CIBAR2: variants seen among roughly 807,000 people sequenced by gnomAD.
The protein encoded by CIBAR2 is CBY1 interacting BAR domain containing 2, also known as CBY1-interacting BAR domain-containing protein 2.
Under a neutral mutation model 36.2 loss-of-function variants are expected in CIBAR2, and 38 were observed. The ratio of observed to expected loss-of-function variants is 1.05; its 90% confidence interval spans 0.81 to 1.38. The LOEUF is 1.38. CIBAR2 is among the 40% of genes most tolerant of loss of function. The probability of loss-of-function intolerance (pLI) is 0.00; values close to 1 mark genes in which losing one functional copy is unlikely to be tolerated. For synonymous variants in CIBAR2, 182 were observed against 149.5 expected (o/e 1.22, Z -1.58); for missense variants, 481 against 383.4 (o/e 1.25, Z -2.13).
At chr16:85,108,923 C>A (rs974215230) in intron 2 of CIBAR2, among the ~76,000 whole-genome samples, 6 of 152,122 alleles carry the variant, frequency 3.9e-5, no homozygotes, top group Middle Eastern at 3.4e-3. Flanking sequence ...GCCAATTTTA[C>A]AATCGGGAAT....
At chr16:85,102,968 C>T (rs1287745612) in intron 6 of CIBAR2, among the ~76,000 whole-genome samples, 1 of 149,102 alleles carries the variant, frequency 6.7e-6, no homozygotes, top group Non-Finnish European at 1.5e-5. Context: ...GTGGTGTGAT[C>T]TCGGCTCACT....
chr16:85,101,171 G>A (rs1025743266), intron 7 of CIBAR2, among the ~76,000 whole-genome samples: 1 of 152,236 alleles, frequency 6.6e-6, no homozygotes, highest in South Asian at 2.1e-4. Context: ...GGGATGGCAG[G>A]CTTTGTGGGG....
intron 2 of CIBAR2, among the ~76,000 whole-genome samples, chr16:85,109,441 C>A (rs1280846536): frequency 3.3e-5 from 5 of 152,268 alleles, no homozygotes; most frequent in Middle Eastern, 3.4e-3. Flanking sequence ...CCGTTTCTGT[C>A]TGTGCGATCT....
At chr16:85,111,480 G>A (rs1464544429) in intron 1 of CIBAR2, among the ~76,000 whole-genome samples, 4 of 152,080 alleles carry the variant, frequency 2.6e-5, no homozygotes, top group Admixed American at 2.0e-4. Flanking sequence ...TCAGACACTG[G>A]GGCTCCTAGG....
Position 85,098,886 on chromosome 16 carries a change from C to G in CIBAR2, c.*299G>C, listed in dbSNP as rs1307287854. Reference sequence around the variant, plus strand: ...TCTAAGGCACAGAGAGGCTAGGAGACTTTCCCAAGGTCACACCGCCGGGAG... The same window carrying G: ...TCTAAGGCACAGAGAGGCTAGGAGAGTTTCCCAAGGTCACACCGCCGGGAG... On this transcript the variant is annotated 3_prime_UTR_variant, in exon 9 of 9. Transcript: ENST00000539556. The G allele has an allele frequency of 1.1e-5, 3 of 261,898 alleles. No homozygotes were observed. Among genetic ancestry groups the G allele is most frequent in the African/African-American group, 6.9e-5 (3 of 43,504 alleles). The allele number at this position is 261,898 out of a possible 1,614,324, so 16.2% of individuals were successfully genotyped here.
intron 8 of CIBAR2, among the ~76,000 whole-genome samples, chr16:85,099,758 G>C (rs1369598215): frequency 1.3e-5 from 2 of 150,516 alleles, no homozygotes; most frequent in African/African-American, 4.9e-5. Context: ...CAAGTAGCTG[G>C]GATTACAGGC....
Position 85,107,835 on chromosome 16 carries a change from G to C in CIBAR2, c.426+11C>G. The C allele has an allele frequency of 1.9e-6, 3 of 1,610,952 alleles. No individual in the cohort carries two copies. The highest frequency in any genetic ancestry group is 1.7e-6 in the Non-Finnish European group (2 of 1,177,080). On this transcript the variant is annotated intron_variant, in intron 4 of 8. Coordinates refer to ENST00000539556, the MANE Select transcript of CIBAR2 (RefSeq NM_198491.3). ...CCGGCAGCCCCAGGCCCCACTTCCA[G>C]GGAAGGATACGATCATTTGCTGATC...
chr16:85,112,267 G>T, intron 1 of CIBAR2, 66 bp downstream of exon 1: 16 of 1,274,358 alleles, frequency 1.3e-5, no homozygotes, highest in East Asian at 2.6e-5. Flanking sequence ...CATCTTTGTT[G>T]GTGCCCCGGG....
At chr16:85,102,144 T>A in intron 7 of CIBAR2, 70 bp downstream of exon 7, 1 of 849,858 alleles carries the variant, frequency 1.2e-6, no homozygotes, top group Non-Finnish European at 2.0e-6. Flanking sequence ...AAACGACTTC[T>A]ATCAAGACAA....
chr16:85,107,504 C>A (rs941780952), intron 5 of CIBAR2, among the ~76,000 whole-genome samples, 163 bp downstream of exon 5: 1 of 152,184 alleles, frequency 6.6e-6, no homozygotes, highest in African/African-American at 2.4e-5. Flanking sequence ...GGTCTCCAGA[C>A]CCCCAGAGCC....
At chr16:85,108,322 G>A (rs950703715) in intron 2 of CIBAR2, among the ~76,000 whole-genome samples, 13 of 152,192 alleles carry the variant, frequency 8.5e-5, no homozygotes, top group African/African-American at 4.8e-5. Flanking sequence ...TCAGTCTCTC[G>A]AAGCCTCATT....
At chr16:85,111,080 G>A (rs1370643678) in intron 1 of CIBAR2, among the ~76,000 whole-genome samples, 2 of 151,996 alleles carry the variant, frequency 1.3e-5, no homozygotes, top group African/African-American at 2.4e-5. Flanking sequence ...CCGCATTCAG[G>A]CTTCTACGAC....
At chr16:85,108,862 G>A (rs753207883) in intron 2 of CIBAR2, among the ~76,000 whole-genome samples, 4 of 152,138 alleles carry the variant, frequency 2.6e-5, no homozygotes, top group Non-Finnish European at 5.9e-5. Context: ...GCAACAGAGC[G>A]AGACTCCATC....
chr16:85,099,099 G>T lies in CIBAR2; in HGVS notation c.*86C>A. ...ATTAACACAATCCAACAAAGACAAAGAAAAAAGAATCAGAAAATAAGAACA... is the reference window on the plus strand; with the variant it reads ...ATTAACACAATCCAACAAAGACAAATAAAAAAGAATCAGAAAATAAGAACA... On this transcript the variant is annotated 3_prime_UTR_variant, in exon 9 of 9. Coordinates refer to ENST00000539556, the MANE Select transcript of CIBAR2 (RefSeq NM_198491.3). 1.4e-6 allele frequency: 2 copies of T among 1,419,508 alleles called. No homozygotes were observed. Among genetic ancestry groups the T allele is most frequent in the South Asian group, 3.2e-5 (2 of 63,340 alleles). The allele number at this position is 1,419,508 out of a possible 1,614,324, so 87.9% of individuals were successfully genotyped here.
At chr16:85,111,674 C>T (rs1420988338) in intron 1 of CIBAR2, among the ~76,000 whole-genome samples, 4 of 152,140 alleles carry the variant, frequency 2.6e-5, no homozygotes, top group South Asian at 2.1e-4. Context: ...GGTGAAACCC[C>T]GTCTCTACTA....
intron 6 of CIBAR2, among the ~76,000 whole-genome samples, chr16:85,103,743 G>A (rs2073973134): frequency 6.6e-6 from 1 of 152,222 alleles, no homozygotes; most frequent in Non-Finnish European, 1.5e-5. Flanking sequence ...CATTCCACAA[G>A]CATTTACTGA....
chr16:85,106,099 A>C (rs552423437), intron 5 of CIBAR2, among the ~76,000 whole-genome samples: 69 of 152,320 alleles, frequency 4.5e-4, no homozygotes, highest in African/African-American at 1.5e-3. Flanking sequence ...CTCAGGAAAG[A>C]AGGGAAAGCT....
intron 1 of CIBAR2, among the ~76,000 whole-genome samples, chr16:85,110,704 CTTT>C (rs746973381): frequency 2.1e-5 from 2 of 93,890 alleles, no homozygotes; most frequent in Admixed American, 2.0e-4. Context: ...CAGACCTGGC[CTTT>C]TTTTTTTTTT....
Position 85,102,284 on chromosome 16 carries a change from G to C in CIBAR2, c.581C>G (p.Ala194Gly), listed in dbSNP as rs1272705504. The change falls in exon 7 of 9, where the codon GCC (alanine) becomes GGC (glycine). Residue 194 changes from alanine to glycine, a missense_variant. Physicochemically the swap from Ala to Gly is moderately conservative, Grantham distance 60. Coordinates refer to ENST00000539556, the MANE Select transcript of CIBAR2 (RefSeq NM_198491.3). ...GCTAGAATACACCTCCACCGCTTTGGCATGGAAAACCATCTCAATAGTTAC... is the reference window on the plus strand; with the variant it reads ...GCTAGAATACACCTCCACCGCTTTGCCATGGAAAACCATCTCAATAGTTAC... The part of the protein sequence containing the change: ...DFVTIEMVFH[A>G]KAVEVYSSAF... The C allele has an allele frequency of 1.2e-6, 2 of 1,613,608 alleles. No homozygotes were observed. Among genetic ancestry groups the C allele is most frequent in the Non-Finnish European group, 1.7e-6 (2 of 1,179,650 alleles).
Sources: gnomAD v4.1 joint callset for allele counts (sites outside exome capture counted in the v4.1 genomes callset) on GRCh38, gnomAD v4.1.1 for gene constraint, MANE v1.5 for transcripts, NCBI Gene and HGNC (gene_info 2026-07-23, HGNC 2026-07-21) for gene names.